The following INPP5F variants were observed in gnomAD, a reference collection of about 807,000 sequenced individuals.
INPP5F encodes phosphatidylinositide 4-phosphatase SAC2.
In INPP5F, 97 loss-of-function variants were observed where a neutral mutation model predicts 137.2. The observed-to-expected ratio is 0.71, with a 90% CI of 0.60 to 0.84. INPP5F has a LOEUF of 0.84. Among genes scored for constraint, INPP5F ranks in the 40% least tolerant of loss-of-function variants. The pLI is 0.00. For missense variants in INPP5F, 1,271 were observed against 1,371.9 expected (o/e 0.93, Z 1.16); for synonymous variants, 504 against 476.9 (o/e 1.06, Z -0.74).
Position 119,827,537 on chromosome 10 carries a change from G to A in INPP5F, c.3156G>A (p.Gly1052=). Residue 1052 remains glycine, a synonymous_variant, in exon 20 of 20, where the codon GGG becomes GGA. Coordinates refer to ENST00000650623, the MANE Select transcript of INPP5F (RefSeq NM_014937.4). ...CCAGCATGCTTGAACTTGAGACAGG[G>A]CTTCATGTAACTCCTTCTCCTTCAG... is the stretch of plus-strand genomic sequence containing the variant. ...SASSMLELET[G]LHVTPSPSES... is the part of the protein sequence containing the mutation. The A allele has an allele frequency of 6.2e-7, 1 of 1,614,128 alleles. No individual in the cohort carries two copies. Among genetic ancestry groups the A allele is most frequent in the Non-Finnish European group, 8.5e-7 (1 of 1,179,994 alleles).
In INPP5F at chr10:119,822,509, GT is replaced by G; in HGVS notation, c.2032+9del. ...ACCTGGAAAAAATTGAAATAGGTAAGTTTTAACATACTAATCAAGTCATCAA... is the reference window on the plus strand; with the variant it reads ...ACCTGGAAAAAATTGAAATAGGTAAGTTTAACATACTAATCAAGTCATCAA... On this transcript the variant is annotated splice_donor_region_variant and intron_variant, in intron 17 of 19. Coordinates refer to ENST00000650623, the MANE Select transcript of INPP5F (RefSeq NM_014937.4). 1 of 1,381,612 alleles carries G rather than the reference GT, an allele frequency of 7.2e-7. No homozygotes were observed. The highest frequency in any genetic ancestry group is 1.0e-6 in the Non-Finnish European group (1 of 989,942). The allele number at this position is 1,381,612 out of a possible 1,614,324, so 85.6% of individuals were successfully genotyped here. A position where few individuals can be genotyped will look rare whatever the true frequency, so the allele number is the denominator to read the frequency against.
chr10:119,804,947 A>C (rs866414277), intron 10 of INPP5F, among the ~76,000 whole-genome samples: 27 of 152,242 alleles, frequency 1.8e-4, no homozygotes, highest in South Asian at 4.1e-4. Flanking sequence ...GGCTGGTCTC[A>C]AACTCCTGAC....
At position 119,811,919 on chromosome 10, in the gene INPP5F, T is replaced by C; in HGVS notation, c.1850T>C (p.Phe617Ser). The C allele has an allele frequency of 1.9e-6, 3 of 1,614,188 alleles. No homozygotes were observed. The highest frequency in any genetic ancestry group is 2.5e-6 in the Non-Finnish European group (3 of 1,180,024). ...MKLLLPDDEK[F>S]HGGWALIDCD... The stretch of plus-strand genomic sequence containing the variant: ...TTACTACTGCCTGATGATGAGAAGT[T>C]CCATGGGGGCTGGGCCCTCATTGAC... Residue 617 changes from phenylalanine to serine, a missense_variant, in exon 15 of 20, where the codon TTC becomes TCC. Transcript: ENST00000650623.
intron 1 of INPP5F, among the ~76,000 whole-genome samples, chr10:119,749,476 A>AT (rs775291239): frequency 1.9e-4 from 29 of 152,112 alleles, no homozygotes; most frequent in Non-Finnish European, 1.6e-4. Flanking sequence ...ATAGGTGATG[A>AT]TTTTTTTTCT....
At chr10:119,727,812 C>A (rs948491883) in intron 1 of INPP5F, among the ~76,000 whole-genome samples, 5 of 152,098 alleles carry the variant, frequency 3.3e-5, no homozygotes, top group Non-Finnish European at 7.4e-5. Context: ...CTGATTTGAC[C>A]ATTTGTCTGG....
chr10:119,796,896 G>T lies in INPP5F; in HGVS notation c.851G>T (p.Arg284Leu). 6.2e-7 allele frequency: 1 copy of T among 1,613,864 alleles called. No individual in the cohort carries two copies. The highest frequency in any genetic ancestry group is 8.5e-7 in the Non-Finnish European group (1 of 1,179,870). Residue 284 changes from arginine (R) to leucine (L), a missense_variant, in exon 7 of 20, where the codon CGA becomes CTA. By Grantham distance (102) the Arg-to-Leu change is moderately radical. Transcript: ENST00000650623. ...TTTCTAGTGGCTCTCATTTCACGCC[G>T]AAGTAGGCACAGAGCAGGTGAGTGG... ...PRFLVALISR[R>L]SRHRAGMRYK...
chr10:119,736,779 T>G (rs1589662508), intron 1 of INPP5F, among the ~76,000 whole-genome samples: 1 of 152,356 alleles, frequency 6.6e-6, no homozygotes, highest in East Asian at 1.9e-4. Context: ...ATCAAAACTT[T>G]GTGGCCGTCT....
intron 9 of INPP5F, among the ~76,000 whole-genome samples, chr10:119,802,683 T>A (rs1008295432): frequency 6.6e-6 from 1 of 152,214 alleles, no homozygotes; most frequent in Non-Finnish European, 1.5e-5. Context: ...TTTTATATAT[T>A]TTGGGATACT....
intron 3 of INPP5F, among the ~76,000 whole-genome samples, chr10:119,782,969 G>A (rs1170490337): frequency 6.6e-6 from 1 of 152,180 alleles, no homozygotes; most frequent in Non-Finnish European, 1.5e-5. Flanking sequence ...GTCACTGGAA[G>A]TTTGACAATT....
At chr10:119,795,666 C>T (rs1297483679) in intron 6 of INPP5F, among the ~76,000 whole-genome samples, 44 of 152,030 alleles carry the variant, frequency 2.9e-4, no homozygotes, top group African/African-American at 9.6e-4. Flanking sequence ...CCTCACTTCC[C>T]AGACGGGGTG....
intron 2 of INPP5F, among the ~76,000 whole-genome samples, chr10:119,769,925 A>C (rs748100997): frequency 6.6e-6 from 1 of 152,166 alleles, no homozygotes; most frequent in Admixed American, 6.5e-5. Flanking sequence ...TCTCATTTAT[A>C]TATCCTCTTA....
chr10:119,745,525 T>C (rs1848504389), intron 1 of INPP5F, among the ~76,000 whole-genome samples: 1 of 151,952 alleles, frequency 6.6e-6, no homozygotes, highest in African/African-American at 2.4e-5. Context: ...TCACTAGGTG[T>C]TGATGTAGAA....
intron 19 of INPP5F, 64 bp from the exon 20 acceptor site, chr10:119,826,561 TATGTTA>T (rs1851767746): frequency 8.1e-7 from 1 of 1,230,882 alleles, no homozygotes; most frequent in African/African-American, 1.5e-5. Context: ...TGTTTTCACT[TATGTTA>T]ATAACTGGAA....
chr10:119,757,182 C>T (rs1408429801), intron 2 of INPP5F, among the ~76,000 whole-genome samples: 1 of 152,052 alleles, frequency 6.6e-6, no homozygotes, highest in Non-Finnish European at 1.5e-5. Context: ...TCAAGCGATT[C>T]TCCTGCCTCA....
chr10:119,771,749 A>G (rs1264190938), intron 2 of INPP5F, among the ~76,000 whole-genome samples: 1 of 149,710 alleles, frequency 6.7e-6, no homozygotes, highest in East Asian at 2.0e-4. Flanking sequence ...TTTCTTTTTG[A>G]CAGTCTGATA....
At chr10:119,794,690 C>CG (rs1352803697) in intron 6 of INPP5F, among the ~76,000 whole-genome samples, 1 of 141,158 alleles carries the variant, frequency 7.1e-6, no homozygotes, top group South Asian at 2.3e-4. Context: ...GCTGGCCAGG[C>CG]GGGGGGCTGA....
intron 1 of INPP5F, among the ~76,000 whole-genome samples, chr10:119,730,345 G>A (rs1443998974): frequency 6.6e-6 from 1 of 152,102 alleles, no homozygotes; most frequent in African/African-American, 2.4e-5. Context: ...CCTGACCTCA[G>A]GTGATCCACC....
chr10:119,730,741 A>G (rs926323330), intron 1 of INPP5F, among the ~76,000 whole-genome samples: 7 of 152,132 alleles, frequency 4.6e-5, no homozygotes, highest in Admixed American at 3.9e-4. Flanking sequence ...ATTCATAAAC[A>G]TAGAAACTGT....
In INPP5F at chr10:119,733,497, C is replaced by T. The variant is rs1262407799; in HGVS notation, c.97+7138C>T. Among the ~76,000 whole-genome samples, 3 of 152,206 alleles carry T rather than the reference C, an allele frequency of 2.0e-5. No individual in the cohort carries two copies. In the East Asian group the frequency reaches 5.8e-4, roughly 29 times the overall value. ...CAGTGGTGAGCAACCTGAAGCCTTT[C>T]TCAGTGTAGCTTTTCAAGAGTCCTA... On this transcript the variant is annotated intron_variant, in intron 1 of 19. Coordinates refer to ENST00000650623, the MANE Select transcript of INPP5F (RefSeq NM_014937.4).
Sources: gnomAD v4.1 joint callset for allele counts (sites outside exome capture counted in the v4.1 genomes callset) on GRCh38, gnomAD v4.1.1 for gene constraint, MANE v1.5 for transcripts, NCBI Gene and HGNC (gene_info 2026-07-23, HGNC 2026-07-21) for gene names.